The following SLC24A2 variants were observed in gnomAD, a reference collection of about 807,000 sequenced individuals.
SLC24A2 encodes sodium/potassium/calcium exchanger 2.
SLC24A2 carries 36 observed loss-of-function variants against 62.0 expected under a neutral mutation model. That is an observed-to-expected ratio of 0.58 (90% CI 0.44 to 0.77). SLC24A2 has a LOEUF of 0.77. Among genes scored for constraint, SLC24A2 ranks in the 30% least tolerant of loss-of-function variants. The pLI is 0.00. For missense variants in SLC24A2, 846 were observed against 817.9 expected (o/e 1.03, Z -0.42); for synonymous variants, 358 against 294.0 (o/e 1.22, Z -2.23).
the SLC24A2 span, among the ~76,000 whole-genome samples, chr9:20,042,882 G>A: frequency 5.3e-4 from 81 of 152,202 alleles, 1 homozygote; most frequent in African/African-American, 1.8e-3. Flanking sequence ...ATTGCTTTGA[G>A]GCACCACAAG....
the SLC24A2 span, among the ~76,000 whole-genome samples, chr9:20,230,182 C>A: frequency 2.0e-5 from 3 of 152,052 alleles, no homozygotes; most frequent in African/African-American, 7.2e-5. Flanking sequence ...TGAATAGTGC[C>A]ACTATAAACA....
At chr9:20,043,597 A>T in the SLC24A2 span, among the ~76,000 whole-genome samples, 2 of 152,214 alleles carry the variant, frequency 1.3e-5, no homozygotes, top group Non-Finnish European at 2.9e-5. Context: ...TGACCTTGAG[A>T]GGTTTAAGAC....
At chr9:20,101,105 A>G in the SLC24A2 span, among the ~76,000 whole-genome samples, 2 of 152,210 alleles carry the variant, frequency 1.3e-5, no homozygotes, top group Non-Finnish European at 2.9e-5. Flanking sequence ...GAATTTCACA[A>G]TCAGAAATGT....
At chr9:19,914,023 G>C in the SLC24A2 span, among the ~76,000 whole-genome samples, 1 of 151,700 alleles carries the variant, frequency 6.6e-6, no homozygotes, top group Non-Finnish European at 1.5e-5. Flanking sequence ...TGATTAACTG[G>C]GTAGTATGCC....
At chr9:20,295,028 GTATATATGTATATATATATATA>G in the SLC24A2 span, among the ~76,000 whole-genome samples, 65 of 141,364 alleles carry the variant, frequency 4.6e-4, no homozygotes, top group Admixed American at 1.0e-3. Flanking sequence ...GTGCATATGT[GTATATATGTATATATATATATA>G]TATACACACA....
the SLC24A2 span, among the ~76,000 whole-genome samples, chr9:20,229,819 G>A: frequency 1.3e-5 from 2 of 151,560 alleles, no homozygotes; most frequent in Non-Finnish European, 2.9e-5. Flanking sequence ...TGTCATGTTG[G>A]TATGCTGCAC....
intron 10 of SLC24A2, among the ~76,000 whole-genome samples, chr9:19,517,069 C>T (rs1832967900): frequency 6.6e-6 from 1 of 152,060 alleles, no homozygotes; most frequent in Non-Finnish European, 1.5e-5. Context: ...ATTTTTATAC[C>T]TGTTTTCTCC....
intron 2 of SLC24A2, among the ~76,000 whole-genome samples, chr9:19,703,659 A>C (rs1049376067): frequency 6.6e-6 from 1 of 152,204 alleles, no homozygotes; most frequent in Non-Finnish European, 1.5e-5. Flanking sequence ...AATTAGATGA[A>C]TTGAAGATAG....
At chr9:20,246,203 T>C in the SLC24A2 span, among the ~76,000 whole-genome samples, 1 of 152,358 alleles carries the variant, frequency 6.6e-6, no homozygotes, top group South Asian at 2.1e-4. Context: ...TGAGCACTTA[T>C]TTTGTACCTG....
intron 7 of SLC24A2, among the ~76,000 whole-genome samples, chr9:19,571,422 G>A (rs1383877791): frequency 1.3e-5 from 2 of 152,156 alleles, no homozygotes; most frequent in East Asian, 1.9e-4. Flanking sequence ...CTTAAGAAGT[G>A]GCTGCTAGGT....
chr9:19,549,873 A>T (rs900562824), intron 8 of SLC24A2, among the ~76,000 whole-genome samples: 57 of 152,336 alleles, frequency 3.7e-4, no homozygotes, highest in African/African-American at 1.3e-3. Flanking sequence ...GTAGTTTGTT[A>T]TGCAGATTTG....
intron 4 of SLC24A2, among the ~76,000 whole-genome samples, chr9:19,600,567 A>T (rs1836815914): frequency 6.6e-6 from 1 of 152,214 alleles, no homozygotes; most frequent in African/African-American, 2.4e-5. Context: ...GTGAACAATA[A>T]TGTGTGGTCA....
chr9:19,627,718 A>C (rs1200043509), intron 2 of SLC24A2, among the ~76,000 whole-genome samples: 2 of 152,068 alleles, frequency 1.3e-5, no homozygotes, highest in Non-Finnish European at 2.9e-5. Context: ...TCTTTTATAG[A>C]GGCCAGGGTC....
At chr9:19,734,318 G>A (rs1012018623) in intron 2 of SLC24A2, among the ~76,000 whole-genome samples, 14 of 152,240 alleles carry the variant, frequency 9.2e-5, no homozygotes, top group South Asian at 6.2e-4. Context: ...GTCAGGTAGC[G>A]TGATGCCTCC....
chr9:19,709,004 C>T (rs1418877465), intron 2 of SLC24A2, among the ~76,000 whole-genome samples: 2 of 152,066 alleles, frequency 1.3e-5, no homozygotes, highest in South Asian at 2.1e-4. Context: ...GCAACCTACT[C>T]ATCTGACAAA....
chr9:19,973,327 C>A, the SLC24A2 span, among the ~76,000 whole-genome samples: 1 of 152,228 alleles, frequency 6.6e-6, no homozygotes, highest in East Asian at 1.9e-4. Context: ...CCTTCTGCAA[C>A]TCCCTAAGGG....
At chr9:19,857,185 A>T in the SLC24A2 span, among the ~76,000 whole-genome samples, 1 of 152,154 alleles carries the variant, frequency 6.6e-6, no homozygotes, top group South Asian at 2.1e-4. Context: ...AATCTTCTAG[A>T]GTTTACTTAT....
At chr9:20,282,744 G>A in the SLC24A2 span, among the ~76,000 whole-genome samples, 8 of 152,064 alleles carry the variant, frequency 5.3e-5, no homozygotes, top group Non-Finnish European at 1.2e-4. Flanking sequence ...ATATCCTCAC[G>A]AGTTTATATA....
chr9:19,682,305 C>T (rs1038248742), intron 2 of SLC24A2, among the ~76,000 whole-genome samples: 18 of 152,220 alleles, frequency 1.2e-4, no homozygotes, highest in East Asian at 5.8e-4. Context: ...TGATAGTAGA[C>T]GGTTGCATAC....
Sources: gnomAD v4.1 joint callset for allele counts (sites outside exome capture counted in the v4.1 genomes callset) on GRCh38, gnomAD v4.1.1 for gene constraint, MANE v1.5 for transcripts, NCBI Gene and HGNC (gene_info 2026-07-23, HGNC 2026-07-21) for gene names.